The following EFHC2 variants were observed in gnomAD, a reference collection of about 807,000 sequenced individuals.
The protein encoded by EFHC2 is EF-hand domain-containing family member C2.
Under a neutral mutation model 52.7 loss-of-function variants are expected in EFHC2, and 18 were observed. That is an observed-to-expected ratio of 0.34 (90% CI 0.24 to 0.51). EFHC2 has a LOEUF of 0.51. Among genes scored for constraint, EFHC2 ranks in the 20% least tolerant of loss-of-function variants. The pLI, the probability that EFHC2 is intolerant of heterozygous loss-of-function variation, is 0.97. For synonymous variants in EFHC2, 203 were observed against 204.1 expected, an observed-to-expected ratio of 0.99 and a Z score of 0.04; for missense variants, 513 against 562.5, an observed-to-expected ratio of 0.91 and a Z score of 0.89.
Position 44,190,059 on chromosome X carries a change from T to C in EFHC2, c.1752-11495A>G, listed in dbSNP as rs750366840. On this transcript the variant is annotated intron_variant, in intron 11 of 14. Coordinates refer to ENST00000420999, the MANE Select transcript of EFHC2 (RefSeq NM_025184.4). Reference sequence around the variant, plus strand: ...ACTCACTGATCCATCAGTTGTCCAGTTTGTCATCTGTGACTTTGATTTCTA... The same window carrying C: ...ACTCACTGATCCATCAGTTGTCCAGCTTGTCATCTGTGACTTTGATTTCTA... Among the ~76,000 whole-genome samples, 3 of 112,197 alleles carry C rather than the reference T, an allele frequency of 2.7e-5. No homozygotes were observed. In the South Asian group the frequency reaches 1.1e-3, roughly 42 times the overall value.
At chrX:44,204,025 A>G (rs751624387) in intron 11 of EFHC2, among the ~76,000 whole-genome samples, 49 of 110,460 alleles carry the variant, frequency 4.4e-4, no homozygotes, top group Non-Finnish European at 8.5e-4. Context: ...CTGCACCACC[A>G]AACAAAAATG....
At chrX:44,332,983 G>A (rs1180122727) in intron 1 of EFHC2, among the ~76,000 whole-genome samples, 1 of 111,795 alleles carries the variant, frequency 8.9e-6, no homozygotes, top group African/African-American at 3.3e-5. Context: ...ACATAAGCAG[G>A]AAACTAATTC....
intron 13 of EFHC2, among the ~76,000 whole-genome samples, chrX:44,171,300 C>T (rs766696792): frequency 1.3e-4 from 15 of 111,663 alleles, no homozygotes; most frequent in Non-Finnish European, 2.1e-4. Flanking sequence ...CTTCTTGCTA[C>T]GGGGAATAAT....
At chrX:44,277,961 G>A (rs2037672939) in intron 2 of EFHC2, among the ~76,000 whole-genome samples, 1 of 111,415 alleles carries the variant, frequency 9.0e-6, no homozygotes, top group Admixed American at 9.5e-5. Context: ...TTTGCAATCT[G>A]GGGTAAATTA....
chrX:44,151,045 C>G (rs188615891), intron 14 of EFHC2, among the ~76,000 whole-genome samples: 20 of 110,267 alleles, frequency 1.8e-4, no homozygotes, highest in Non-Finnish European at 2.8e-4. Context: ...AGGTTTGCAG[C>G]TGCAAACCAA....
At chrX:44,228,912 C>T (rs192775095) in intron 11 of EFHC2, among the ~76,000 whole-genome samples, 1 of 111,982 alleles carries the variant, frequency 8.9e-6, no homozygotes, top group Admixed American at 9.4e-5. Flanking sequence ...CTTTGTCCTC[C>T]ATCCATGATT....
At chrX:44,285,001 A>G (rs1293198778) in intron 2 of EFHC2, 1 of 111,804 alleles carries the variant, frequency 8.9e-6, no homozygotes, top group Non-Finnish European at 1.9e-5. Context: ...CAGAGCCTCC[A>G]TACTACGCCA....
chrX:44,214,801 C>G (rs913364606), intron 11 of EFHC2, among the ~76,000 whole-genome samples: 6 of 111,881 alleles, frequency 5.4e-5, no homozygotes, highest in Non-Finnish European at 1.1e-4. Context: ...TGGTTTTATA[C>G]TTATGTATGC....
intron 11 of EFHC2, among the ~76,000 whole-genome samples, chrX:44,184,444 C>T (rs1040469147): frequency 9.0e-6 from 1 of 111,496 alleles, no homozygotes; most frequent in African/African-American, 3.3e-5. Context: ...GACCTCTGGC[C>T]GGGCGTGGTG....
chrX:44,323,663 A>G (rs1056794806), intron 1 of EFHC2, among the ~76,000 whole-genome samples: 2 of 111,473 alleles, frequency 1.8e-5, no homozygotes, highest in Admixed American at 1.9e-4. Flanking sequence ...ACGGGGTATG[A>G]GGCTCATTTC....
At chrX:44,177,046 A>C (rs190808574) in intron 12 of EFHC2, among the ~76,000 whole-genome samples, 23 of 112,290 alleles carry the variant, frequency 2.0e-4, no homozygotes, top group Admixed American at 9.4e-4. Context: ...GAGAATGTTT[A>C]TATCTAGAAT....
intron 14 of EFHC2, among the ~76,000 whole-genome samples, chrX:44,150,335 T>A (rs1445296891): frequency 9.0e-6 from 1 of 111,517 alleles, no homozygotes; most frequent in East Asian, 2.8e-4. Flanking sequence ...ATTCCAGGCA[T>A]AGGGACCAGC....
chrX:44,153,368 T>C (rs935632002), intron 14 of EFHC2, among the ~76,000 whole-genome samples: 5 of 111,998 alleles, frequency 4.5e-5, no homozygotes, highest in East Asian at 5.6e-4. Context: ...GCCGGCCCCA[T>C]TGTGCTCTTT....
chrX:44,309,261 T>G, intron 2 of EFHC2: 2 of 520,549 alleles, frequency 3.8e-6, no homozygotes, highest in Non-Finnish European at 6.5e-6. Flanking sequence ...TCAGCTGATT[T>G]TTTTTATGAG....
intron 1 of EFHC2, among the ~76,000 whole-genome samples, chrX:44,325,150 C>T (rs772482776): frequency 1.8e-5 from 2 of 111,554 alleles, no homozygotes; most frequent in South Asian, 3.7e-4. Flanking sequence ...TAGAAACTAA[C>T]GCATTGAGAA....
intron 11 of EFHC2, among the ~76,000 whole-genome samples, chrX:44,207,958 C>T (rs1185861280): frequency 8.9e-6 from 1 of 112,209 alleles, no homozygotes; most frequent in African/African-American, 3.2e-5. Context: ...TATCATCTCA[C>T]GCCAGTCAGA....
At chrX:44,310,417 C>T in intron 2 of EFHC2, 1 of 989,867 alleles carries the variant, frequency 1.0e-6, no homozygotes, top group Non-Finnish European at 1.4e-6. Flanking sequence ...CCTTCAGCGG[C>T]GAGAGCTGCA....
At chrX:44,196,146 G>A (rs2036964541) in intron 11 of EFHC2, among the ~76,000 whole-genome samples, 1 of 111,561 alleles carries the variant, frequency 9.0e-6, no homozygotes, top group African/African-American at 3.3e-5. Context: ...GAAATTCCTG[G>A]GCTCAAGTGG....
chrX:44,336,024 G>A (rs1569311043), intron 1 of EFHC2, among the ~76,000 whole-genome samples: 1 of 112,844 alleles, frequency 8.9e-6, no homozygotes, highest in Non-Finnish European at 1.9e-5. Flanking sequence ...GGGGATATAC[G>A]GATGGCAAAT....
Sources: allele counts gnomAD v4.1 joint callset (sites outside exome capture counted in the v4.1 genomes callset), GRCh38; gene constraint gnomAD v4.1.1; transcripts MANE v1.5; gene names NCBI Gene and HGNC (gene_info 2026-07-23, HGNC 2026-07-21).